KLHL22: variants seen among roughly 807,000 people sequenced by gnomAD.
KLHL22 encodes kelch-like protein 22.
In KLHL22, 18 loss-of-function variants were observed where a neutral mutation model predicts 60.7. The ratio of observed to expected loss-of-function variants is 0.30; its 90% CI spans 0.20 to 0.44. The LOEUF (loss-of-function observed/expected upper bound fraction) is 0.44. Ranked by LOEUF, KLHL22 falls within the 20% of genes least tolerant of loss-of-function variation. KLHL22 has a pLI of 1.00. For synonymous variants in KLHL22, 355 were observed against 354.5 expected, an observed-to-expected ratio of 1.00 and a Z score of -0.01; for missense variants, 596 against 852.3, an observed-to-expected ratio of 0.70 and a Z score of 3.74.
intron 2 of KLHL22, among the ~76,000 whole-genome samples, chr22:20,473,099 C>A (rs2053354301): frequency 1.3e-5 from 2 of 152,302 alleles, no homozygotes; most frequent in South Asian, 4.1e-4. Context: ...GGAATTTACC[C>A]ACAGAGTGAT....
At chr22:20,472,687 C>T (rs1380801372) in intron 2 of KLHL22, among the ~76,000 whole-genome samples, 1 of 152,184 alleles carries the variant, frequency 6.6e-6, no homozygotes, top group African/African-American at 2.4e-5. Context: ...GATCACACCA[C>T]TGCGATCCAG....
In KLHL22 at chr22:20,495,378, GC is replaced by G. The variant is rs1046538547; in HGVS notation, c.-34+381del. ...GCCGGCCCCAAATCGCCCGCCTGTT[GC>G]AAGGCCGCCCGCTCCAGCGCGGAGG... On this transcript the variant is annotated intron_variant, in intron 1 of 6. Transcript: ENST00000328879. The surrounding 1 kb of genome is among the most constrained non-coding windows in gnomAD (Gnocchi z 4.6). 6.6e-6 allele frequency among the ~76,000 whole-genome samples: 1 copy of G among 152,126 alleles called. No homozygotes were observed. The highest frequency in any genetic ancestry group is 2.4e-5 in the African/African-American group (1 of 41,442).
At chr22:20,457,208 A>T (rs1221960054) in intron 5 of KLHL22, among the ~76,000 whole-genome samples, 2 of 152,112 alleles carry the variant, frequency 1.3e-5, no homozygotes, top group Non-Finnish European at 2.9e-5. Flanking sequence ...ATTTTTCCAT[A>T]ATGAACATAA....
At chr22:20,455,927 G>A (rs1404150687) in intron 5 of KLHL22, among the ~76,000 whole-genome samples, 5 of 152,172 alleles carry the variant, frequency 3.3e-5, no homozygotes, top group Non-Finnish European at 7.3e-5. Flanking sequence ...TGCCAGTTGG[G>A]GCGATCTTAT....
intron 5 of KLHL22, chr22:20,451,606 A>C (rs1454855118): frequency 2.5e-6 from 4 of 1,598,464 alleles, no homozygotes; most frequent in Non-Finnish European, 3.4e-6. Context: ...CAACATTCGC[A>C]CTGATTCCCG....
chr22:20,466,635 AG>A (rs1356347349), intron 3 of KLHL22, among the ~76,000 whole-genome samples: 1 of 152,166 alleles, frequency 6.6e-6, no homozygotes, highest in African/African-American at 2.4e-5. Flanking sequence ...ATACCCACCC[AG>A]GAACCTGATT....
intron 1 of KLHL22, chr22:20,493,225 A>G (rs1170063543): frequency 4.2e-6 from 2 of 471,302 alleles, no homozygotes; most frequent in Non-Finnish European, 8.8e-6. Flanking sequence ...ATACTGCAAA[A>G]ACAAGTACGG....
Position 20,465,229 on chromosome 22 carries a change from C to T in KLHL22, c.741G>A (p.Pro247=), listed in dbSNP as rs777894285. Residue 247 remains proline (P), a synonymous_variant, in exon 4 of 7, where the codon CCG becomes CCA. Transcript: ENST00000328879. The surrounding 1 kb of genome is among the most constrained non-coding windows in gnomAD (Gnocchi z 4.9). ...GCTGCAGGACCTCAGCTTCCATCAG[C>T]GGAAACCGCACTGTCTCAAGGAGCT... is the stretch of plus-strand genomic sequence containing the variant. ...PPKLLETVRF[P]LMEAEVLQRL... The T allele has an allele frequency of 5.6e-6, 9 of 1,613,722 alleles. No homozygotes were observed. Among genetic ancestry groups the T allele is most frequent in the Middle Eastern group, 1.6e-4 (1 of 6,084 alleles).
At chr22:20,492,401 G>C (rs753511554) in intron 1 of KLHL22, among the ~76,000 whole-genome samples, 2 of 151,896 alleles carry the variant, frequency 1.3e-5, no homozygotes, top group African/African-American at 4.8e-5. Context: ...TCTCCTTCAA[G>C]CCTTACCTAC....
At chr22:20,488,681 A>AGGGAGGGGAGAGGAG (rs2053628353) in intron 2 of KLHL22, 15 of 386,750 alleles carry the variant, frequency 3.9e-5, no homozygotes, top group Non-Finnish European at 7.1e-5. Context: ...AGGAATGGTA[A>AGGGAGGGGAGAGGAG]GGGAGGGGAG....
chr22:20,450,939 G>A (rs2052966879), intron 5 of KLHL22: 2 of 1,611,538 alleles, frequency 1.2e-6, no homozygotes, highest in African/African-American at 2.7e-5. Context: ...CCAGGACAAG[G>A]GCTCGCCTAG....
intron 2 of KLHL22, among the ~76,000 whole-genome samples, chr22:20,480,827 CTTTT>C (rs760373717): frequency 1.6e-4 from 20 of 121,568 alleles, no homozygotes; most frequent in Admixed American, 5.1e-4. Flanking sequence ...TTACGCCAAA[CTTTT>C]TTTTTTTTTT....
At chr22:20,494,708 A>C (rs1175630679) in intron 1 of KLHL22, among the ~76,000 whole-genome samples, 1 of 152,134 alleles carries the variant, frequency 6.6e-6, no homozygotes, top group East Asian at 1.9e-4. Context: ...TAGTCATCAC[A>C]AGCCAAGTTC....
chr22:20,461,875 G>A (rs1173588025), intron 4 of KLHL22, among the ~76,000 whole-genome samples: 1 of 152,142 alleles, frequency 6.6e-6, no homozygotes, highest in Admixed American at 6.5e-5. Flanking sequence ...CAGGTGGGCA[G>A]ATCACCTGAG....
At chr22:20,450,660 G>C (rs2052962552) in intron 5 of KLHL22, 23 of 1,563,790 alleles carry the variant, frequency 1.5e-5, no homozygotes, top group Non-Finnish European at 1.9e-5. Flanking sequence ...AGGTGGAAAA[G>C]CTAATCAAGT....
At chr22:20,478,800 C>G (rs2053454196) in intron 2 of KLHL22, among the ~76,000 whole-genome samples, 1 of 148,074 alleles carries the variant, frequency 6.8e-6, no homozygotes, top group Non-Finnish European at 1.5e-5. Context: ...AGGCGTGAGC[C>G]ACCATGCCCA....
intron 1 of KLHL22, chr22:20,493,125 C>G (rs1394676921): frequency 2.1e-6 from 1 of 470,822 alleles, no homozygotes; most frequent in South Asian, 1.5e-5. Context: ...CAATAGACAT[C>G]AAGCCCCCAG....
intron 1 of KLHL22, among the ~76,000 whole-genome samples, chr22:20,494,656 C>T (rs1266786967): frequency 6.6e-6 from 1 of 152,018 alleles, no homozygotes; most frequent in East Asian, 1.9e-4. Flanking sequence ...GGATTACAGG[C>T]ATGAGCCACC....
chr22:20,446,813 C>A, intron 5 of KLHL22, 137 bp from the exon 6 acceptor site: 1 of 680,774 alleles, frequency 1.5e-6, no homozygotes, highest in South Asian at 1.7e-5. Flanking sequence ...CACATACAGA[C>A]AAGAATCCTC....
Sources: allele counts gnomAD v4.1 joint callset (sites outside exome capture counted in the v4.1 genomes callset), GRCh38; gene constraint gnomAD v4.1.1; non-coding constraint Gnocchi (gnomAD v3.1); transcripts MANE v1.5; gene names NCBI Gene and HGNC (gene_info 2026-07-23, HGNC 2026-07-21).